Variants in ASS1 observed in about 807,000 individuals in gnomAD.
The protein encoded by ASS1 is argininosuccinate synthase.
Under a neutral mutation model 60.5 loss-of-function variants are expected in ASS1, and 58 were observed. The observed-to-expected ratio is 0.96, with a 90% CI of 0.78 to 1.19. The LOEUF (loss-of-function observed/expected upper bound fraction) is 1.19. Among genes scored for constraint, ASS1 ranks in the 50% most tolerant of loss-of-function variants. ASS1 has a pLI of 0.00. For missense variants in ASS1, 454 were observed against 547.3 expected (o/e 0.83, Z 1.70); for synonymous variants, 200 against 206.9 (o/e 0.97, Z 0.29).
chr9:130,466,800 G>T lies in ASS1; in HGVS notation c.495+1G>T, dbSNP rs1845754405. The T allele has an allele frequency of 3.1e-6, 5 of 1,613,970 alleles. No homozygotes were observed. Among genetic ancestry groups the T allele is most frequent in the Non-Finnish European group, 4.2e-6 (5 of 1,179,916 alleles). On this transcript the variant is annotated splice_donor_variant, in intron 6 of 14. Transcript: ENST00000352480. LOFTEE classifies it high-confidence loss of function. Reference sequence around the variant, plus strand: ...CAATGACCTGATGGAGTACGCAAAGGTATGGCCGAGTCTCCCCACCACCCC... The same window carrying T: ...CAATGACCTGATGGAGTACGCAAAGTTATGGCCGAGTCTCCCCACCACCCC...
intron 2 of ASS1, 80 bp from the exon 3 acceptor site, chr9:130,454,225 G>T: frequency 7.1e-7 from 1 of 1,399,382 alleles, no homozygotes; most frequent in South Asian, 1.2e-5. Flanking sequence ...AGCAGGGGGT[G>T]GGAGGCTGCT....
chr9:130,489,623 G>C lies in ASS1; in HGVS notation c.970+159G>C, dbSNP rs746214334. On this transcript the variant is annotated intron_variant, in intron 12 of 14. Coordinates refer to ENST00000352480, the MANE Select transcript of ASS1 (RefSeq NM_054012.4). This position sits in a 1 kb window ranked among gnomAD's most constrained non-coding sequence, Gnocchi z 4.1. ...AGACCCCAAAAGGTGCAGGCCAAAG[G>C]GGGTTGAGGGAAAGTGCAGGGCATG... is the stretch of plus-strand genomic sequence containing the variant. 7.9e-5 allele frequency among the ~76,000 whole-genome samples: 12 copies of C among 152,198 alleles called. No individual in the cohort carries two copies. The highest frequency in any genetic ancestry group is 1.8e-4 in the Non-Finnish European group (12 of 68,034).
chr9:130,490,376 C>A (rs772329093), intron 12 of ASS1, among the ~76,000 whole-genome samples: 3 of 152,088 alleles, frequency 2.0e-5, no homozygotes, highest in Non-Finnish European at 4.4e-5. Flanking sequence ...TGCAATGGTG[C>A]GATCTTGGCT....
intron 4 of ASS1, among the ~76,000 whole-genome samples, chr9:130,460,901 TG>T (rs1329224419): frequency 6.6e-6 from 1 of 151,830 alleles, no homozygotes; most frequent in Non-Finnish European, 1.5e-5. Context: ...CAAGGAGGTT[TG>T]GGCGGGCCTG....
Position 130,478,186 on chromosome 9 carries a change from C to T in ASS1, c.688+1225C>T, listed in dbSNP as rs187042091. On this transcript the variant is annotated intron_variant, in intron 9 of 14. Transcript: ENST00000352480. This position sits in a 1 kb window ranked among gnomAD's most constrained non-coding sequence, Gnocchi z 4.7. The stretch of plus-strand genomic sequence containing the variant: ...GCCAGCGACTGTCTTCCTTGCTCCC[C>T]TTCATCTGTCCCAACCTACTGGGGG... Among the ~76,000 whole-genome samples, 220 of 152,358 alleles carry T rather than the reference C, an allele frequency of 1.4e-3. No homozygotes were observed. The highest frequency in any genetic ancestry group is 5.0e-3 in the African/African-American group (209 of 41,592).
intron 6 of ASS1, among the ~76,000 whole-genome samples, chr9:130,468,227 T>A (rs1006199225): frequency 2.6e-5 from 4 of 152,134 alleles, no homozygotes; most frequent in African/African-American, 9.7e-5. Flanking sequence ...CTGAGATGGA[T>A]GACACAAAAA....
chr9:130,458,740 G>A, intron 4 of ASS1, 151 bp downstream of exon 4: 2 of 1,122,430 alleles, frequency 1.8e-6, no homozygotes, highest in Non-Finnish European at 2.6e-6. Context: ...CCAATGAGAG[G>A]GGTAACAGCT....
chr9:130,468,092 G>T (rs913837428), intron 6 of ASS1, among the ~76,000 whole-genome samples: 2 of 152,192 alleles, frequency 1.3e-5, no homozygotes, highest in African/African-American at 4.8e-5. Context: ...GGTTTCATCA[G>T]AAATGACTGT....
chr9:130,448,001 C>T (rs1845234348), intron 1 of ASS1, among the ~76,000 whole-genome samples: 1 of 151,956 alleles, frequency 6.6e-6, no homozygotes, highest in Non-Finnish European at 1.5e-5. Flanking sequence ...AGAGCTGAAG[C>T]CACTCAAACC....
chr9:130,466,600 C>T (rs1010677028), intron 5 of ASS1, 125 bp from the exon 6 acceptor site: 1 of 878,964 alleles, frequency 1.1e-6, no homozygotes, highest in Admixed American at 2.0e-5. Flanking sequence ...ACAACAGCAT[C>T]CTCTCTGGGG....
At chr9:130,466,852 G>A (rs538398523) in intron 6 of ASS1, 53 bp downstream of exon 6, 25 of 1,586,046 alleles carry the variant, frequency 1.6e-5, no homozygotes, top group East Asian at 4.5e-5. Context: ...CCCCCTTCCC[G>A]GGCACGTCCC....
intron 12 of ASS1, among the ~76,000 whole-genome samples, chr9:130,490,176 T>A (rs1250939867): frequency 6.6e-6 from 1 of 152,246 alleles, no homozygotes; most frequent in East Asian, 1.9e-4. Context: ...AATCCAGGCC[T>A]CCTGACTCCA....
chr9:130,468,485 C>T (rs1588484857), intron 6 of ASS1, among the ~76,000 whole-genome samples: 1 of 152,204 alleles, frequency 6.6e-6, no homozygotes, highest in East Asian at 1.9e-4. Flanking sequence ...AATCCTAGCT[C>T]ATTGCAGCCT....
intron 5 of ASS1, 52 bp downstream of exon 5, chr9:130,464,219 G>A (rs773042911): frequency 1.3e-6 from 2 of 1,585,130 alleles, no homozygotes; most frequent in Non-Finnish European, 1.7e-6. Flanking sequence ...TGCAGCACCT[G>A]ATGGGGAGGA....
intron 4 of ASS1, among the ~76,000 whole-genome samples, chr9:130,461,152 A>C (rs1845581048): frequency 6.8e-6 from 1 of 147,786 alleles, no homozygotes; most frequent in Admixed American, 6.7e-5. Context: ...AGGTCTTTCC[A>C]ACGGTACCAT....
chr9:130,479,161 G>T (rs886433464), intron 9 of ASS1, among the ~76,000 whole-genome samples: 9 of 145,732 alleles, frequency 6.2e-5, no homozygotes, highest in Admixed American at 6.1e-4. Flanking sequence ...ATTCAGGGAC[G>T]CTGCCGACAC....
At position 130,495,094 on chromosome 9, in the gene ASS1, C is replaced by T. The variant is rs942206469; in HGVS notation, c.1127+71C>T. The stretch of plus-strand genomic sequence containing the variant: ...CTATCTTTTGACTGGATCCTCAAGA[C>T]ATCTGTGCCTGAGCACATGTCAGGC... On this transcript the variant is annotated intron_variant, in intron 13 of 14. Coordinates refer to ENST00000352480, the MANE Select transcript of ASS1 (RefSeq NM_054012.4). 19 of 1,526,370 alleles carry T rather than the reference C, an allele frequency of 1.2e-5. No individual in the cohort carries two copies. The African/African-American group carries it at 1.4e-4, about 11-fold the overall frequency. 94.6% of individuals were successfully genotyped at this position (1,526,370 alleles called of 1,614,324 possible). A position where few individuals can be genotyped will look rare whatever the true frequency, so the allele number is the denominator to read the frequency against.
At chr9:130,481,123 T>A (rs1157972478) in intron 11 of ASS1, among the ~76,000 whole-genome samples, 1 of 152,214 alleles carries the variant, frequency 6.6e-6, no homozygotes, top group African/African-American at 2.4e-5. Context: ...TGTCTTCTCT[T>A]AGTAGCCAAA....
intron 8 of ASS1, among the ~76,000 whole-genome samples, chr9:130,474,446 G>C (rs1022983660): frequency 1.3e-5 from 2 of 152,144 alleles, no homozygotes; most frequent in Non-Finnish European, 2.9e-5. Flanking sequence ...ATTGAAAACA[G>C]TTGACAGTCG....
Sources: allele counts gnomAD v4.1 joint callset (sites outside exome capture counted in the v4.1 genomes callset), GRCh38; gene constraint gnomAD v4.1.1; non-coding constraint Gnocchi (gnomAD v3.1); transcripts MANE v1.5; gene names NCBI Gene and HGNC (gene_info 2026-07-23, HGNC 2026-07-21).